Variants in GLT1D1 observed in about 807,000 individuals in gnomAD.
GLT1D1 encodes glycosyltransferase 1 domain containing 1.
GLT1D1 carries 21 observed loss-of-function variants against 28.7 expected under a neutral mutation model. The ratio of observed to expected loss-of-function variants is 0.73; its 90% confidence interval spans 0.52 to 1.05. The LOEUF (loss-of-function observed/expected upper bound fraction) is 1.05, where lower values mean the gene tolerates loss of function less well. Among genes scored for constraint, GLT1D1 ranks in the 50% least tolerant of loss-of-function variants. The probability of loss-of-function intolerance (pLI) is 0.00; values close to 1 mark genes in which losing one functional copy is unlikely to be tolerated. For missense variants in GLT1D1, 343 were observed against 330.6 expected (o/e 1.04, Z -0.29); for synonymous variants, 147 against 124.8 (o/e 1.18, Z -1.19).
At chr12:128,966,010 C>A (rs1878422138) in intron 7 of GLT1D1, among the ~76,000 whole-genome samples, 1 of 152,216 alleles carries the variant, frequency 6.6e-6, no homozygotes, top group Non-Finnish European at 1.5e-5. Flanking sequence ...AGAGATGGGA[C>A]CTCCAAAAAG....
chr12:128,875,936 C>A lies in GLT1D1; in HGVS notation c.91C>A (p.His31Asn), dbSNP rs1292863691. The A allele has an allele frequency of 6.2e-7, 1 of 1,614,048 alleles. No individual in the cohort carries two copies. Among genetic ancestry groups the A allele is most frequent in the Non-Finnish European group, 8.5e-7 (1 of 1,179,936 alleles). The change falls in exon 2 of 8, where the codon CAC (histidine) becomes AAC (asparagine). Residue 31 changes from histidine (H) to asparagine (N), a missense_variant. Coordinates refer to ENST00000281703, the MANE Select transcript of GLT1D1 (RefSeq NM_144669.3). ...AAGGGCCCATCTAGAGGCTGCAGGG[C>A]ACGTGTGCGTTTTGAAGGATGCCTT...
intron 4 of GLT1D1, among the ~76,000 whole-genome samples, chr12:128,913,558 T>C (rs180997156): frequency 2.6e-5 from 4 of 152,254 alleles, no homozygotes; most frequent in African/African-American, 9.6e-5. Context: ...TACTACATGA[T>C]AGAAATAATG....
intron 6 of GLT1D1, among the ~76,000 whole-genome samples, chr12:128,956,522 A>G (rs1877333255): frequency 6.6e-6 from 1 of 152,156 alleles, no homozygotes; most frequent in South Asian, 2.1e-4. Flanking sequence ...CTGTTTCCCG[A>G]TGACCTTTTA....
At chr12:128,885,798 G>A (rs1957161372) in intron 2 of GLT1D1, among the ~76,000 whole-genome samples, 1 of 152,218 alleles carries the variant, frequency 6.6e-6, no homozygotes, top group South Asian at 2.1e-4. Flanking sequence ...GTATCTTTTA[G>A]GTGTCTATTT....
intron 1 of GLT1D1, among the ~76,000 whole-genome samples, chr12:128,866,181 G>A (rs1956512333): frequency 6.8e-6 from 1 of 146,406 alleles, no homozygotes; most frequent in African/African-American, 2.6e-5. Context: ...CCATTCTCTT[G>A]CCTCAACCTC....
intron 4 of GLT1D1, among the ~76,000 whole-genome samples, chr12:128,910,261 ACT>A (rs1871367357): frequency 7.4e-6 from 1 of 135,484 alleles, no homozygotes; most frequent in African/African-American, 2.9e-5. Context: ...TACAAGTTTA[ACT>A]CTTTTTTTTT....
At position 128,899,283 on chromosome 12, in the gene GLT1D1, A is replaced by G. The variant is rs1869976823; in HGVS notation, c.371A>G (p.Gln124Arg). 2.5e-6 allele frequency: 4 copies of G among 1,613,070 alleles called. No individual in the cohort carries two copies. The highest frequency in any genetic ancestry group is 3.4e-6 in the Non-Finnish European group (4 of 1,179,138). ...TCAATGAAGGAAATGGCACAAGCGCAGTGGGTATGTGTTTATCTGGTGTTG... is the reference window on the plus strand; with the variant it reads ...TCAATGAAGGAAATGGCACAAGCGCGGTGGGTATGTGTTTATCTGGTGTTG... Residue 124 changes from glutamine (Q) to arginine (R), a missense_variant, in exon 4 of 8, where the codon CAG (glutamine) becomes CGG (arginine). Coordinates refer to ENST00000281703, the MANE Select transcript of GLT1D1 (RefSeq NM_144669.3).
At chr12:128,868,333 G>A (rs58131638) in intron 1 of GLT1D1, among the ~76,000 whole-genome samples, 1,940 of 152,280 alleles carry the variant, frequency 0.013, 43 homozygotes, top group African/African-American at 0.043. Context: ...TGTTTTGATT[G>A]GCATGAGCCT....
In GLT1D1 at chr12:128,874,106, C is replaced by T. The variant is rs868275937; in HGVS notation, c.69-1808C>T. Among the ~76,000 whole-genome samples the T allele has an allele frequency of 7.0e-3, 333 of 47,710 alleles. 2 individuals are homozygous for T. Among genetic ancestry groups the T allele is most frequent in the African/African-American group, 0.017 (170 of 9,792 alleles). The allele number at this position is 47,710 out of a possible 152,430, so 31.3% of individuals were successfully genotyped here. On this transcript the variant is annotated intron_variant, in intron 1 of 7. Coordinates refer to ENST00000281703, the MANE Select transcript of GLT1D1 (RefSeq NM_144669.3). ...TTTCTTTCTTTCTTTCTTTCTCTCT[C>T]TCTCTCTCTCTCTCTCTCTCTTTCT...
intron 6 of GLT1D1, 85 bp from the exon 11 acceptor site, chr12:128,957,460 G>A (rs1877417966): frequency 3.5e-6 from 3 of 845,354 alleles, no homozygotes; most frequent in Non-Finnish European, 5.9e-6. Context: ...AACCCAAGAA[G>A]TTATTCTGCC....
At chr12:128,862,188 G>C (rs1956398560) in intron 1 of GLT1D1, among the ~76,000 whole-genome samples, 1 of 151,750 alleles carries the variant, frequency 6.6e-6, no homozygotes, top group Admixed American at 6.6e-5. Flanking sequence ...AATTAGCTGG[G>C]CATAGTGGTG....
chr12:128,869,057 C>CG (rs1956619078), intron 1 of GLT1D1, among the ~76,000 whole-genome samples: 1 of 152,082 alleles, frequency 6.6e-6, no homozygotes, highest in South Asian at 2.1e-4. Flanking sequence ...TTAGTAGAGA[C>CG]GGGGTTTCTC....
intron 7 of GLT1D1, among the ~76,000 whole-genome samples, chr12:128,969,040 G>A (rs1878766064): frequency 6.6e-6 from 1 of 151,664 alleles, no homozygotes; most frequent in African/African-American, 2.4e-5. Context: ...CTCTCCCTCT[G>A]TCTTTTTCTG....
chr12:128,853,700 C>A, intron 1 of GLT1D1, 51 bp downstream of exon 1: 1 of 1,024,512 alleles, frequency 9.8e-7, no homozygotes. Context: ...GGCCGGGGGG[C>A]GGGGACGCGG....
intron 2 of GLT1D1, among the ~76,000 whole-genome samples, chr12:128,881,974 G>T (rs1401940338): frequency 2.0e-5 from 3 of 151,918 alleles, no homozygotes; most frequent in Non-Finnish European, 2.9e-5. Context: ...AACCTTTGGA[G>T]CCCATTTCCT....
intron 2 of GLT1D1, among the ~76,000 whole-genome samples, chr12:128,881,595 A>ATAT (rs1566099528): frequency 1.7e-5 from 2 of 114,638 alleles, no homozygotes; most frequent in African/African-American, 3.2e-5. Flanking sequence ...TATATATATA[A>ATAT]AATTTATAGA....
intron 7 of GLT1D1, among the ~76,000 whole-genome samples, chr12:128,966,288 G>A (rs1036000597): frequency 1.3e-5 from 2 of 152,198 alleles, no homozygotes; most frequent in East Asian, 3.9e-4. Context: ...AGGGGTGGCT[G>A]GCTGCACTTG....
intron 3 of GLT1D1, among the ~76,000 whole-genome samples, chr12:128,896,641 A>G (rs1360190199): frequency 7.3e-6 from 1 of 137,084 alleles, no homozygotes; most frequent in Non-Finnish European, 1.5e-5. Flanking sequence ...GTGCAGTGGC[A>G]TGATCTTGGC....
At chr12:128,874,566 C>A (rs1187248942) in intron 1 of GLT1D1, among the ~76,000 whole-genome samples, 1 of 150,436 alleles carries the variant, frequency 6.6e-6, no homozygotes, top group African/African-American at 2.4e-5. Context: ...CACTCAGCCT[C>A]GACCTCATAG....
Sources: gnomAD v4.1 joint callset for allele counts (sites outside exome capture counted in the v4.1 genomes callset) on GRCh38, gnomAD v4.1.1 for gene constraint, MANE v1.5 for transcripts, NCBI Gene and HGNC (gene_info 2026-07-23, HGNC 2026-07-21) for gene names.